Variants in ABR observed in about 807,000 individuals in gnomAD.
ABR encodes the protein ABR activator of RhoGEF and GTPase.
A neutral mutation model predicts 107.2 loss-of-function variants in ABR; 35 were observed. The observed-to-expected ratio is 0.33, with a 90% confidence interval of 0.25 to 0.43. The LOEUF (loss-of-function observed/expected upper bound fraction) is 0.43. ABR is among the 20% of genes least tolerant of loss of function. ABR has a pLI of 1.00. For missense variants in ABR, 815 were observed against 1,115.2 expected, an observed-to-expected ratio of 0.73 and a Z score of 3.83; for synonymous variants, 498 against 462.0, an observed-to-expected ratio of 1.08 and a Z score of -1.00.
chr17:1,184,775 T>C (rs2150668755), upstream of ABR, among the ~76,000 whole-genome samples: 1 of 152,002 alleles, frequency 6.6e-6, no homozygotes, highest in Middle Eastern at 3.4e-3. Context: ...CTGATCCTCC[T>C]GCCTCACCCT....
intron 1 of ABR, among the ~76,000 whole-genome samples, chr17:1,165,722 G>A (rs1239855353): frequency 2.6e-5 from 4 of 151,880 alleles, no homozygotes; most frequent in South Asian, 2.1e-4. Context: ...TAGTAGAGAC[G>A]GGGTTTCACC....
intron 1 of ABR, among the ~76,000 whole-genome samples, chr17:1,140,721 C>T (rs571668236): frequency 1.1e-3 from 168 of 151,914 alleles, no homozygotes; most frequent in Admixed American, 2.5e-3. Context: ...TAGCTGGGAT[C>T]ACAGGCACCC....
intron 1 of ABR, among the ~76,000 whole-genome samples, chr17:1,155,544 G>A (rs1204594033): frequency 6.6e-6 from 1 of 152,112 alleles, no homozygotes; most frequent in African/African-American, 2.4e-5. Context: ...AGAGCACGGG[G>A]GAACCGCACG....
Position 1,027,280 on chromosome 17 carries a change from G to A in ABR, c.1792-14116C>T, listed in dbSNP as rs547505106. On this transcript the variant is annotated intron_variant, in intron 16 of 22. Transcript: ENST00000302538. The surrounding 1 kb of genome is among the most constrained non-coding windows in gnomAD (Gnocchi z 4.7). ...GCCGTCTGTGGCCTGCAGGGAGGCC[G>A]GGGAGGACCAGCGCCCTTCTACCCT... Among the ~76,000 whole-genome samples, 5 of 152,212 alleles carry A rather than the reference G, an allele frequency of 3.3e-5. No homozygotes were observed. The East Asian group carries it at 7.8e-4, about 24-fold the overall frequency.
chr17:1,064,698 C>A (rs2034498375), intron 10 of ABR, among the ~76,000 whole-genome samples: 1 of 127,526 alleles, frequency 7.8e-6, no homozygotes, highest in African/African-American at 2.9e-5. Context: ...TATACATGTT[C>A]CTCTAGACAC....
At chr17:1,137,373 A>G (rs2040115440) in intron 1 of ABR, among the ~76,000 whole-genome samples, 3 of 152,078 alleles carry the variant, frequency 2.0e-5, no homozygotes, top group African/African-American at 7.2e-5. Flanking sequence ...TTTGATTTAA[A>G]GTGACAGACG....
In ABR at chr17:1,092,314, G is replaced by A. The variant is rs1347631136; in HGVS notation, c.346-464C>T. 2.0e-5 allele frequency among the ~76,000 whole-genome samples: 3 copies of A among 152,170 alleles called. No individual in the cohort carries two copies. The highest frequency in any genetic ancestry group is 4.4e-5 in the Non-Finnish European group (3 of 68,032). ...AAGGTAGGGACCCGAAGTTACTCAA[G>A]ACCAGTCTTGGCCTCACTGATGTTC... is the stretch of plus-strand genomic sequence containing the variant. On this transcript the variant is annotated intron_variant, in intron 3 of 22. Coordinates refer to ENST00000302538, the MANE Select transcript of ABR (RefSeq NM_021962.5). The surrounding 1 kb of genome is among the most constrained non-coding windows in gnomAD (Gnocchi z 4.6).
At chr17:1,133,840 C>T (rs913404762) in intron 1 of ABR, among the ~76,000 whole-genome samples, 23 of 152,170 alleles carry the variant, frequency 1.5e-4, no homozygotes, top group African/African-American at 5.5e-4. Context: ...TGCCCTACAC[C>T]ATTCTGGCCA....
chr17:1,033,635 G>A (rs1431805610), intron 16 of ABR, among the ~76,000 whole-genome samples: 2 of 152,284 alleles, frequency 1.3e-5, no homozygotes, highest in Middle Eastern at 3.4e-3. Context: ...CTGCAGGGGC[G>A]GCCAGACCAG....
In ABR at chr17:1,108,871, C is replaced by T. The variant is rs531480519; in HGVS notation, c.247-8136G>A. The T allele has an allele frequency of 9.1e-5, 137 of 1,500,064 alleles. 1 individual carries two copies. The African/African-American group carries it at 1.9e-3, about 21-fold the overall frequency. 92.9% of individuals were successfully genotyped at this position (1,500,064 alleles called of 1,614,324 possible). On this transcript the variant is annotated intron_variant, in intron 2 of 22. Coordinates refer to ENST00000302538, the MANE Select transcript of ABR (RefSeq NM_021962.5). ...TCTGCGCCCGCATCAGCCATTTCTC[C>T]CGCGCACCTTCGGCAGCGCCGGCCC...
rs890125189 is a variant in ABR, at chr17:1,037,688, C to T, written c.1791+12362G>A. 3.9e-5 allele frequency among the ~76,000 whole-genome samples: 6 copies of T among 152,058 alleles called. No homozygotes were observed. Among genetic ancestry groups the T allele is most frequent in the African/African-American group, 7.2e-5 (3 of 41,404 alleles). On this transcript the variant is annotated intron_variant, in intron 16 of 22. Coordinates refer to ENST00000302538, the MANE Select transcript of ABR (RefSeq NM_021962.5). The surrounding 1 kb of genome is among the most constrained non-coding windows in gnomAD (Gnocchi z 4.6). ...CCTCCCGGGAAGGAGGGGGTGTGGC[C>T]GGGTCTCCCAGCACAGCCATAAATT...
At position 1,055,629 on chromosome 17, in the gene ABR, G is replaced by A. The variant is rs1474532593; in HGVS notation, c.1561+406C>T. ...AGCAACCTCCGCCTCCCGGGTTCAA[G>A]GGATTCTCTGGCCTCAGCCTCCCAA... On this transcript the variant is annotated intron_variant, in intron 14 of 22. Coordinates refer to ENST00000302538, the MANE Select transcript of ABR (RefSeq NM_021962.5). 2.4e-5 allele frequency: 4 copies of A among 166,024 alleles called. No individual in the cohort carries two copies. In the South Asian group the frequency reaches 4.9e-4, roughly 20 times the overall value. 10.3% of individuals were successfully genotyped at this position (166,024 alleles called of 1,614,324 possible). A position where few individuals can be genotyped will look rare whatever the true frequency, so the allele number is the denominator to read the frequency against.
At chr17:1,100,225 TAGA>T (rs2037773436) in intron 3 of ABR, among the ~76,000 whole-genome samples, 1 of 147,138 alleles carries the variant, frequency 6.8e-6, no homozygotes, top group Admixed American at 6.8e-5. Context: ...CCCAGGGAGG[TAGA>T]AGGACTTGGA....
At position 1,218,342 on chromosome 17, in the gene ABR, C is replaced by T. The variant is rs80202341; in HGVS notation, c.838+10451G>A. Among the ~76,000 whole-genome samples, 28 of 152,318 alleles carry T rather than the reference C, an allele frequency of 1.8e-4. No homozygotes were observed. The East Asian group carries it at 3.1e-3, about 17-fold the overall frequency. On this transcript the variant is annotated intron_variant, in intron 1 of 22. Transcript: ENST00000574139. ...GCCAGGCTCTTAACCTTACTTGGTA[C>T]GTAGTCCCAGCTCATTTAACTTACT...
At position 1,058,845 on chromosome 17, in the gene ABR, C is replaced by T. The variant is rs1018693116; in HGVS notation, c.1205G>A (p.Arg402Gln). The change falls in exon 11 of 23, where the codon CGG (arginine) becomes CAG (glutamine). Residue 402 changes from arginine (R) to glutamine (Q), a missense_variant. Physicochemically the swap from Arg to Gln is conservative, Grantham distance 43. Coordinates refer to ENST00000302538, the MANE Select transcript of ABR (RefSeq NM_021962.5). ...CTTCTTCTTCAGGCGCTCGATGGCC[C>T]GGCTCTGGCCTTTGTTGGCTTTCTG... ...QKEKANKGQSRAIERLKKKMF... is the reference protein window; with the variant it reads ...QKEKANKGQSQAIERLKKKMF... 4 of 1,614,156 alleles carry T rather than the reference C, an allele frequency of 2.5e-6. No individual in the cohort carries two copies. Among genetic ancestry groups the T allele is most frequent in the African/African-American group, 1.3e-5 (1 of 75,028 alleles).
intron 1 of ABR, among the ~76,000 whole-genome samples, chr17:1,202,690 C>T (rs1225382032): frequency 6.6e-6 from 1 of 152,088 alleles, no homozygotes; most frequent in African/African-American, 2.4e-5. Context: ...CCATCTACTC[C>T]TAATCCGCTG....
chr17:1,040,470 T>C (rs1255256879), intron 16 of ABR, among the ~76,000 whole-genome samples: 25 of 152,234 alleles, frequency 1.6e-4, no homozygotes. Flanking sequence ...CCAGCCGGCA[T>C]TGAGGGCCCC....
rs112247919 is a variant in ABR at position 1,121,500 on chromosome 17, G to A, written c.246+3683C>T. Among the ~76,000 whole-genome samples, 70 of 152,282 alleles carry A rather than the reference G, an allele frequency of 4.6e-4. 1 individual carries two copies. The highest frequency in any genetic ancestry group is 1.4e-3 in the African/African-American group (60 of 41,548). ...AGGCCTCCCCTCATGCTGAAATTCC[G>A]CAGCATCTTCCTGCAGCTGCTCACA... On this transcript the variant is annotated intron_variant, in intron 2 of 22. Transcript: ENST00000302538.
At position 1,004,277 on chromosome 17, in the gene ABR, C is replaced by G. The variant is rs117292751; in HGVS notation, c.*1803G>C. On this transcript the variant is annotated 3_prime_UTR_variant, in exon 23 of 23. Transcript: ENST00000302538. ...TCCTTGCTAAGCTGCTCACAGGCAGCCGATGGTCAGTACTTCCTTCCTCTT... is the reference window on the plus strand; with the variant it reads ...TCCTTGCTAAGCTGCTCACAGGCAGGCGATGGTCAGTACTTCCTTCCTCTT... 6.6e-6 allele frequency: 1 copy of G among 152,546 alleles called. No individual in the cohort carries two copies. The highest frequency in any genetic ancestry group is 1.9e-4 in the East Asian group (1 of 5,178). The allele number at this position is 152,546 out of a possible 1,614,324, so 9.4% of individuals were successfully genotyped here. A position where few individuals can be genotyped will look rare whatever the true frequency, so the allele number is the denominator to read the frequency against.
Sources: gnomAD v4.1 joint callset for allele counts (sites outside exome capture counted in the v4.1 genomes callset) on GRCh38, gnomAD v4.1.1 for gene constraint, Gnocchi (gnomAD v3.1) non-coding constraint, MANE v1.5 for transcripts, NCBI Gene and HGNC (gene_info 2026-07-23, HGNC 2026-07-21) for gene names.